NCK1: variants seen among roughly 807,000 people sequenced by gnomAD.
NCK1 encodes the protein SH2/SH3 adapter protein NCK1.
NCK1 carries 19 observed loss-of-function variants against 36.6 expected under a neutral mutation model. The observed-to-expected ratio is 0.52, with a 90% CI of 0.36 to 0.76. NCK1 has a LOEUF of 0.76. Among genes scored for constraint, NCK1 ranks in the 30% least tolerant of loss-of-function variants. NCK1 has a pLI of 0.00. For missense variants in NCK1, 358 were observed against 445.6 expected (o/e 0.80, Z 1.77); for synonymous variants, 165 against 156.0 (o/e 1.06, Z -0.43).
chr3:136,875,960 G>A (rs1412085688), intron 1 of NCK1, among the ~76,000 whole-genome samples: 14 of 151,954 alleles, frequency 9.2e-5, no homozygotes, highest in East Asian at 1.9e-4. Context: ...TATCTCTCAG[G>A]CCACAGTGCA....
intron 1 of NCK1, among the ~76,000 whole-genome samples, chr3:136,911,107 T>A (rs1295267451): frequency 1.3e-5 from 2 of 152,244 alleles, no homozygotes; most frequent in Non-Finnish European, 2.9e-5. Flanking sequence ...TTTTTAAGGC[T>A]GAATTTCATT....
At chr3:136,945,054 G>T (rs546236199) in intron 2 of NCK1, among the ~76,000 whole-genome samples, 82 of 152,318 alleles carry the variant, frequency 5.4e-4, no homozygotes, top group African/African-American at 1.9e-3. Context: ...GGTAAATAGA[G>T]CTACCTGGGT....
chr3:136,918,885 G>A lies in NCK1; in HGVS notation c.-18-9099G>A, dbSNP rs115812509. 2.9e-3 allele frequency among the ~76,000 whole-genome samples: 439 copies of A among 152,222 alleles called. 3 individuals carry two copies. Among genetic ancestry groups the A allele is most frequent in the African/African-American group, 0.01 (418 of 41,540 alleles). ...ATATTCAGTGTTTTCACTAATGACC[G>A]TGTAACCATGTGAGTATTGTTCATT... On this transcript the variant is annotated intron_variant, in intron 1 of 3. Coordinates refer to ENST00000481752, the MANE Select transcript of NCK1 (RefSeq NM_001291999.2).
intron 1 of NCK1, among the ~76,000 whole-genome samples, chr3:136,906,069 T>G (rs1168112416): frequency 1.3e-5 from 2 of 152,186 alleles, no homozygotes; most frequent in African/African-American, 2.4e-5. Flanking sequence ...ATTTTTTGAA[T>G]TGTCTTTCAT....
chr3:136,869,024 G>A (rs1487990879), intron 1 of NCK1, among the ~76,000 whole-genome samples: 4 of 149,322 alleles, frequency 2.7e-5, no homozygotes, highest in African/African-American at 9.9e-5. Flanking sequence ...GAGCCCCTGA[G>A]TCCAGGAGTT....
intron 1 of NCK1, among the ~76,000 whole-genome samples, chr3:136,866,467 C>T (rs922208089): frequency 6.6e-6 from 1 of 151,908 alleles, no homozygotes; most frequent in Non-Finnish European, 1.5e-5. Flanking sequence ...GCCACCATGC[C>T]TGGCTAATTT....
chr3:136,865,316 C>T (rs1938382811), intron 1 of NCK1, among the ~76,000 whole-genome samples: 1 of 152,154 alleles, frequency 6.6e-6, no homozygotes, highest in African/African-American at 2.4e-5. Flanking sequence ...AACTCCTGAC[C>T]TCAAGCAATC....
In NCK1 at chr3:136,862,256, G is replaced by T. The variant is rs1030157625; in HGVS notation, c.-116G>T. 1 of 152,736 alleles carries T rather than the reference G, an allele frequency of 6.5e-6. No homozygotes were observed. The highest frequency in any genetic ancestry group is 1.5e-5 in the Non-Finnish European group (1 of 68,248). 9.5% of individuals were successfully genotyped at this position (152,736 alleles called of 1,614,324 possible). ...CCAAGAGCTACGCGGCGGCGGCGGA[G>T]CGCAGGCCTCGTGCCGTTACGGCCA... On this transcript the variant is annotated 5_prime_UTR_variant, in exon 1 of 4. Transcript: ENST00000481752.
intron 1 of NCK1, among the ~76,000 whole-genome samples, chr3:136,902,951 C>A (rs1267836983): frequency 6.6e-6 from 1 of 151,756 alleles, no homozygotes; most frequent in African/African-American, 2.4e-5. Context: ...CTGTAAATGT[C>A]TGTTAGGTCT....
intron 1 of NCK1, among the ~76,000 whole-genome samples, chr3:136,864,761 C>CTTTTT (rs747974189): frequency 8.3e-5 from 9 of 108,594 alleles, no homozygotes; most frequent in East Asian, 2.9e-4. Context: ...TTTTTCTTTT[C>CTTTTT]TTTTTTTTTT....
chr3:136,868,845 T>C (rs979591367), intron 1 of NCK1, among the ~76,000 whole-genome samples: 2 of 152,224 alleles, frequency 1.3e-5, no homozygotes, highest in Non-Finnish European at 2.9e-5. Flanking sequence ...TTTTTCTCTT[T>C]TGAGTGTTAG....
chr3:136,898,768 A>G (rs1939458725), intron 1 of NCK1, among the ~76,000 whole-genome samples: 1 of 152,370 alleles, frequency 6.6e-6, no homozygotes, highest in South Asian at 2.1e-4. Context: ...GGAAAGGCAC[A>G]TCATGTAACT....
chr3:136,916,166 G>A (rs962000876), intron 1 of NCK1, among the ~76,000 whole-genome samples: 6 of 152,110 alleles, frequency 3.9e-5, no homozygotes, highest in East Asian at 1.9e-4. Context: ...ATTACAATTC[G>A]ACATGAGATT....
At chr3:136,944,302 A>G (rs1166358008) in intron 2 of NCK1, among the ~76,000 whole-genome samples, 2 of 151,778 alleles carry the variant, frequency 1.3e-5, no homozygotes, top group East Asian at 3.9e-4. Context: ...TATTTTTAGT[A>G]GAGACGGGGT....
chr3:136,945,750 A>G lies in NCK1; in HGVS notation c.394A>G (p.Lys132Glu). ...EDELSLIKGT[K>E]VIVMEKCSDG... ...TGAATTATCATTGATAAAGGGGACA[A>G]AGGTGATCGTCATGGAGAAATGCAG... Residue 132 changes from lysine (K) to glutamate (E), a missense_variant, in exon 3 of 4, where the codon AAG (lysine) becomes GAG (glutamate). By Grantham distance (56) the Lys-to-Glu change is moderately conservative (BLOSUM62 1). Around this residue, in one of 3 missense-constraint regions of NCK1, gnomAD observed 143 missense variants for 162.4 expected, o/e 0.88. Transcript: ENST00000481752. 2 of 1,614,162 alleles carry G rather than the reference A, an allele frequency of 1.2e-6. No individual in the cohort carries two copies. The highest frequency in any genetic ancestry group is 1.1e-5 in the South Asian group (1 of 91,084).
intron 2 of NCK1, among the ~76,000 whole-genome samples, chr3:136,937,898 T>G (rs1034913000): frequency 1.3e-5 from 2 of 152,044 alleles, no homozygotes; most frequent in African/African-American, 4.8e-5. Context: ...CTTTTTCCCC[T>G]CCCTAATTGC....
At chr3:136,864,496 A>AC (rs1553789544) in intron 1 of NCK1, among the ~76,000 whole-genome samples, 90,138 of 148,524 alleles carry the variant, frequency 0.61, 27,829 homozygotes, top group East Asian at 0.74. Flanking sequence ...ACACACACAC[A>AC]AAAAAAAAAC....
At chr3:136,873,010 G>A (rs937867748) in intron 1 of NCK1, among the ~76,000 whole-genome samples, 1 of 152,222 alleles carries the variant, frequency 6.6e-6, no homozygotes, top group Non-Finnish European at 1.5e-5. Flanking sequence ...GGGAAATGTG[G>A]GGTCAGAGCC....
At chr3:136,867,746 A>G (rs1311705014) in intron 1 of NCK1, among the ~76,000 whole-genome samples, 1 of 152,178 alleles carries the variant, frequency 6.6e-6, no homozygotes, top group Non-Finnish European at 1.5e-5. Context: ...GGGGCAGAAC[A>G]AAGACTCAAC....
Sources: allele counts gnomAD v4.1 joint callset (sites outside exome capture counted in the v4.1 genomes callset), GRCh38; gene constraint gnomAD v4.1.1; regional missense constraint gnomAD v4.1.1; transcripts MANE v1.5; gene names NCBI Gene and HGNC (gene_info 2026-07-23, HGNC 2026-07-21).